The following DTWD2 variants were observed in gnomAD, a reference collection of about 807,000 sequenced individuals.
The protein encoded by DTWD2 is tRNA-uridine aminocarboxypropyltransferase 2.
DTWD2 carries 39 observed loss-of-function variants against 31.8 expected under a neutral mutation model. The observed-to-expected ratio is 1.22, with a 90% CI of 0.95 to 1.60. The LOEUF is 1.60. Ranked by LOEUF, DTWD2 falls within the 40% of genes most tolerant of loss-of-function variation. DTWD2 has a pLI of 0.00. For synonymous variants in DTWD2, 180 were observed against 142.8 expected (o/e 1.26, Z -1.86); for missense variants, 515 against 381.5 (o/e 1.35, Z -2.92).
chr5:118,945,810 G>GAAAGAAAGAAAGAAAGAAAGAAAGAAAT (rs1269862405), intron 1 of DTWD2, among the ~76,000 whole-genome samples: 1 of 135,516 alleles, frequency 7.4e-6, no homozygotes, highest in African/African-American at 2.7e-5. Context: ...AAGAAAGAAA[G>GAAAGAAAGAAAGAAAGAAAGAAAGAAAT]AAATTCATTA....
At chr5:118,890,430 T>C (rs1752952978) in intron 4 of DTWD2, among the ~76,000 whole-genome samples, 1 of 144,826 alleles carries the variant, frequency 6.9e-6, no homozygotes, top group Non-Finnish European at 1.6e-5. Flanking sequence ...TTAGACAGAA[T>C]GCAATCCTAA....
At chr5:118,921,418 C>A (rs1753700691) in intron 4 of DTWD2, among the ~76,000 whole-genome samples, 1 of 151,252 alleles carries the variant, frequency 6.6e-6, no homozygotes, top group South Asian at 2.1e-4. Context: ...AGGTCAGAGG[C>A]TGAGGTGGGT....
At chr5:118,965,057 G>A (rs1355175022) in intron 1 of DTWD2, among the ~76,000 whole-genome samples, 7 of 149,718 alleles carry the variant, frequency 4.7e-5, no homozygotes, top group Admixed American at 6.6e-5. Context: ...CCGCCGCCCC[G>A]TCTGGGATGT....
chr5:118,899,598 A>G (rs1342297788), intron 4 of DTWD2, among the ~76,000 whole-genome samples: 2 of 152,120 alleles, frequency 1.3e-5, no homozygotes, highest in Non-Finnish European at 2.9e-5. Context: ...AATCTACAAA[A>G]CAAACACACT....
At chr5:118,961,930 T>C (rs2149593504) in intron 1 of DTWD2, among the ~76,000 whole-genome samples, 1 of 152,302 alleles carries the variant, frequency 6.6e-6, no homozygotes, top group East Asian at 1.9e-4. Context: ...GAATAAGCCA[T>C]TGATTTTGAG....
At chr5:118,951,032 G>A (rs997158609) in intron 1 of DTWD2, among the ~76,000 whole-genome samples, 3 of 152,104 alleles carry the variant, frequency 2.0e-5, no homozygotes. Flanking sequence ...CACGGACTGG[G>A]CTGGGTTTTC....
intron 3 of DTWD2, among the ~76,000 whole-genome samples, chr5:118,937,925 A>G (rs1754081031): frequency 6.6e-6 from 1 of 151,606 alleles, no homozygotes; most frequent in Non-Finnish European, 1.5e-5. Context: ...AGTATTCTCA[A>G]TATTACTGAA....
chr5:118,939,659 T>C (rs372806365), intron 2 of DTWD2, among the ~76,000 whole-genome samples: 4 of 152,310 alleles, frequency 2.6e-5, no homozygotes, highest in Non-Finnish European at 4.4e-5. Context: ...TTGAAGATAA[T>C]TGCCTAGATC....
At chr5:118,907,830 G>C (rs145800932) in intron 4 of DTWD2, among the ~76,000 whole-genome samples, 1 of 151,940 alleles carries the variant, frequency 6.6e-6, no homozygotes, top group Admixed American at 6.6e-5. Flanking sequence ...GGGGAGGGTC[G>C]GTCTTTATGT....
rs148987545 is a variant in DTWD2, at chr5:118,979,864, G to A, written c.218+8430C>T. On this transcript the variant is annotated intron_variant, in intron 1 of 5. Coordinates refer to ENST00000510708, the MANE Select transcript of DTWD2 (RefSeq NM_173666.4). ...GGCCTGTCAGGAGGGCAGGGGGTGGGAGAGCATCAGGAAGAATAGCTAATG... is the reference window on the plus strand; with the variant it reads ...GGCCTGTCAGGAGGGCAGGGGGTGGAAGAGCATCAGGAAGAATAGCTAATG... 1.6e-4 allele frequency among the ~76,000 whole-genome samples: 24 copies of A among 152,360 alleles called. No homozygotes were observed. In the East Asian group the frequency reaches 4.4e-3, roughly 28 times the overall value.
intron 4 of DTWD2, among the ~76,000 whole-genome samples, chr5:118,925,654 G>T (rs1580412882): frequency 6.6e-6 from 1 of 152,040 alleles, no homozygotes. Flanking sequence ...GACCATCCTG[G>T]CTAACATGGT....
In DTWD2 at chr5:118,988,344, C is replaced by T. The variant is rs1468585261; in HGVS notation, c.168G>A (p.Trp56Ter). ...GCTCGGCCGGCTCCACCGGCAGCTC[C>T]CACAGCCCGTCCGCACTGTCGTCGT... The part of the protein sequence containing the change: ...EADDDSADGL[W>*]ELPVEPAERR... Residue 56 changes from tryptophan to a stop codon, truncating the protein, a stop_gained, in exon 1 of 6, where the codon TGG becomes TGA. Coordinates refer to ENST00000510708, the MANE Select transcript of DTWD2 (RefSeq NM_173666.4). LOFTEE classifies it high-confidence loss of function. 3 of 1,557,920 alleles carry T rather than the reference C, an allele frequency of 1.9e-6. No homozygotes were observed. Among genetic ancestry groups the T allele is most frequent in the Admixed American group, 1.9e-5 (1 of 52,272 alleles).
At chr5:118,884,975 G>T (rs570114645) in intron 4 of DTWD2, among the ~76,000 whole-genome samples, 3 of 126,062 alleles carry the variant, frequency 2.4e-5, no homozygotes, top group Non-Finnish European at 4.7e-5. Context: ...CAGTCTGGGG[G>T]ACAGAGTGAG....
intron 1 of DTWD2, among the ~76,000 whole-genome samples, chr5:118,971,233 G>C (rs749286221): frequency 6.6e-6 from 1 of 152,134 alleles, no homozygotes; most frequent in African/African-American, 2.4e-5. Context: ...CTATCTTCAA[G>C]AGACCCATCT....
At chr5:118,983,314 T>C (rs1465706667) in intron 1 of DTWD2, among the ~76,000 whole-genome samples, 1 of 152,244 alleles carries the variant, frequency 6.6e-6, no homozygotes, top group African/African-American at 2.4e-5. Context: ...TCTCTGAAGC[T>C]GTCAGATCTT....
At chr5:118,983,384 A>G (rs1236537755) in intron 1 of DTWD2, among the ~76,000 whole-genome samples, 1 of 152,230 alleles carries the variant, frequency 6.6e-6, no homozygotes, top group Non-Finnish European at 1.5e-5. Context: ...ATTTTGAACT[A>G]TTAACAACTA....
At chr5:118,967,909 T>C (rs1271687082) in intron 1 of DTWD2, among the ~76,000 whole-genome samples, 1 of 152,140 alleles carries the variant, frequency 6.6e-6, no homozygotes, top group Non-Finnish European at 1.5e-5. Context: ...CTCCCCAAGA[T>C]ATTTATTAAC....
intron 4 of DTWD2, among the ~76,000 whole-genome samples, chr5:118,872,644 G>T (rs1752531792): frequency 6.6e-6 from 1 of 152,146 alleles, no homozygotes; most frequent in South Asian, 2.1e-4. Context: ...AATCACAAAA[G>T]TAACATCAAA....
At chr5:118,975,887 A>G (rs552614679) in intron 1 of DTWD2, among the ~76,000 whole-genome samples, 128 of 152,342 alleles carry the variant, frequency 8.4e-4, no homozygotes, top group African/African-American at 2.7e-3. Context: ...TCAACAGAAT[A>G]TACATTCTTC....
Sources: gnomAD v4.1 joint callset for allele counts (sites outside exome capture counted in the v4.1 genomes callset) on GRCh38, gnomAD v4.1.1 for gene constraint, MANE v1.5 for transcripts, NCBI Gene and HGNC (gene_info 2026-07-23, HGNC 2026-07-21) for gene names.